The following ATP10A variants were observed in gnomAD, a reference collection of about 807,000 sequenced individuals.
The protein encoded by ATP10A is phospholipid-transporting ATPase VA.
Under a neutral mutation model 147.8 loss-of-function variants are expected in ATP10A, and 111 were observed. The observed-to-expected ratio is 0.75, with a 90% confidence interval of 0.64 to 0.88. The LOEUF (loss-of-function observed/expected upper bound fraction) is 0.88, where lower values mean the gene tolerates loss of function less well. ATP10A is among the 40% of genes least tolerant of loss of function. ATP10A has a pLI of 0.00. For synonymous variants in ATP10A, 875 were observed against 841.6 expected (o/e 1.04, Z -0.69); for missense variants, 1,927 against 1,959.0 (o/e 0.98, Z 0.31).
At position 25,806,576 on chromosome 15, in the gene ATP10A, T is replaced by G. The variant is rs181398698; in HGVS notation, c.450-25353A>C. Among the ~76,000 whole-genome samples the G allele has an allele frequency of 5.9e-5, 9 of 152,302 alleles. No individual in the cohort carries two copies. In the East Asian group the frequency reaches 1.7e-3, roughly 29 times the overall value. On this transcript the variant is annotated intron_variant, in intron 1 of 20. Coordinates refer to ENST00000555815, the MANE Select transcript of ATP10A (RefSeq NM_024490.4). Reference sequence around the variant, plus strand: ...ATCCGCCCGCCTCAGCCTCCCAAAGTGCTGGGATTACAGGTGTGAGCCACC... The same window carrying G: ...ATCCGCCCGCCTCAGCCTCCCAAAGGGCTGGGATTACAGGTGTGAGCCACC...
At chr15:25,844,876 A>C (rs899953600) in intron 1 of ATP10A, among the ~76,000 whole-genome samples, 3 of 152,160 alleles carry the variant, frequency 2.0e-5, no homozygotes, top group Non-Finnish European at 4.4e-5. Context: ...GCTTGTCTTA[A>C]ATGACAGGTT....
intron 2 of ATP10A, among the ~76,000 whole-genome samples, chr15:25,758,797 TGCTCCACCCTAACTCATTCC>T (rs1888581054): frequency 7.6e-6 from 1 of 131,390 alleles, no homozygotes; most frequent in African/African-American, 3.2e-5. Context: ...TCCGACCACC[TGCTCCACCCTAACTCATTCC>T]GACCACCTGC....
At chr15:25,737,019 G>A (rs1332297972) in intron 2 of ATP10A, among the ~76,000 whole-genome samples, 4 of 152,176 alleles carry the variant, frequency 2.6e-5, no homozygotes, top group East Asian at 3.9e-4. Context: ...TCCCTGCATA[G>A]AATACAGCCA....
intron 1 of ATP10A, among the ~76,000 whole-genome samples, chr15:25,815,274 G>A (rs1031099579): frequency 6.6e-6 from 1 of 152,192 alleles, no homozygotes; most frequent in South Asian, 2.1e-4. Context: ...TGCTCAAAAT[G>A]TTTCACGTGA....
chr15:25,719,858 C>T (rs1187687672), intron 7 of ATP10A, among the ~76,000 whole-genome samples: 1 of 152,196 alleles, frequency 6.6e-6, no homozygotes, highest in East Asian at 1.9e-4. Context: ...GTGAGCAGGG[C>T]TTGGGGCTCA....
chr15:25,800,923 G>A (rs1458728998), intron 1 of ATP10A, among the ~76,000 whole-genome samples: 1 of 152,126 alleles, frequency 6.6e-6, no homozygotes, highest in Non-Finnish European at 1.5e-5. Context: ...ACATCTTCCT[G>A]GTGTTTGATG....
In ATP10A at chr15:25,853,438, C is replaced by T. The variant is rs1893375219; in HGVS notation, c.449+9210G>A. ...AAGCCCTGTCTTTAAAAGGTTCTTC[C>T]AAACATGCTTCTCAGTGAAGGCCTG... On this transcript the variant is annotated intron_variant, in intron 1 of 20. Transcript: ENST00000555815. Among the ~76,000 whole-genome samples, 4 of 152,170 alleles carry T rather than the reference C, an allele frequency of 2.6e-5. No individual in the cohort carries two copies. The South Asian group carries it at 8.3e-4, about 32-fold the overall frequency.
chr15:25,777,096 C>CATGTGTGTGT (rs1555468162), intron 2 of ATP10A, among the ~76,000 whole-genome samples: 8,433 of 149,774 alleles, frequency 0.056, 480 homozygotes, highest in Admixed American at 0.15. Context: ...TGCATACGTG[C>CATGTGTGTGT]GTGTGTGTGT....
At chr15:25,745,579 A>C (rs1364204139) in intron 2 of ATP10A, among the ~76,000 whole-genome samples, 1 of 152,096 alleles carries the variant, frequency 6.6e-6, no homozygotes, top group Non-Finnish European at 1.5e-5. Context: ...AGAGAGAGAG[A>C]AGGAAATTGG....
chr15:25,827,238 AG>A (rs1342545340), intron 1 of ATP10A, among the ~76,000 whole-genome samples: 1 of 152,238 alleles, frequency 6.6e-6, no homozygotes, highest in Non-Finnish European at 1.5e-5. Flanking sequence ...AGTCACCACT[AG>A]CAGACCCCTC....
intron 4 of ATP10A, 117 bp from the exon 5 acceptor site, chr15:25,726,199 T>G: frequency 8.1e-7 from 1 of 1,232,246 alleles, no homozygotes; most frequent in African/African-American, 1.5e-5. Context: ...GTGAGAAGCT[T>G]GGTCAAAAAA....
Position 25,679,937 on chromosome 15 carries a change from T to G in ATP10A, c.3904A>C (p.Thr1302Pro). 1.2e-6 allele frequency: 2 copies of G among 1,605,994 alleles called. No homozygotes were observed. The highest frequency in any genetic ancestry group is 8.5e-7 in the Non-Finnish European group (1 of 1,174,536). Residue 1302 changes from threonine (T) to proline (P), a missense_variant, in exon 21 of 21, where the codon ACA becomes CCA. By Grantham distance (38) the Thr-to-Pro change is conservative. Transcript: ENST00000555815. ...AACTGACGTGCCAGCTGAAGTTGTG[T>G]GGGGAAAACCCTCCCCTGGAGGGAT... ...FRSLQGRVFPTQLQLARQLTR... is the reference protein window; with the variant it reads ...FRSLQGRVFPPQLQLARQLTR...
chr15:25,798,081 G>C (rs752491893), intron 1 of ATP10A, among the ~76,000 whole-genome samples: 1 of 152,150 alleles, frequency 6.6e-6, no homozygotes, highest in Non-Finnish European at 1.5e-5. Context: ...AACTGGAAGA[G>C]GGAGGGAGGC....
At chr15:25,807,731 G>T (rs958227615) in intron 1 of ATP10A, among the ~76,000 whole-genome samples, 5 of 152,074 alleles carry the variant, frequency 3.3e-5, no homozygotes, top group African/African-American at 1.2e-4. Flanking sequence ...GAATCTGGGA[G>T]GCAGAGGTTG....
intron 10 of ATP10A, among the ~76,000 whole-genome samples, chr15:25,712,103 T>C (rs1231193512): frequency 6.6e-6 from 1 of 151,950 alleles, no homozygotes; most frequent in Non-Finnish European, 1.5e-5. Flanking sequence ...AGTAGGAGAG[T>C]GAGCAGGTCG....
intron 1 of ATP10A, among the ~76,000 whole-genome samples, chr15:25,817,847 T>C (rs756577140): frequency 9.2e-5 from 14 of 152,204 alleles, no homozygotes; most frequent in Admixed American, 2.0e-4. Context: ...GTTTAAAGAA[T>C]TTGAAAGATT....
intron 14 of ATP10A, among the ~76,000 whole-genome samples, chr15:25,694,096 C>A (rs1244968874): frequency 6.6e-6 from 1 of 151,906 alleles, no homozygotes; most frequent in Non-Finnish European, 1.5e-5. Flanking sequence ...CTGCTGAGCC[C>A]CTGAACCTGT....
chr15:25,857,182 G>C (rs1291237536), intron 1 of ATP10A, among the ~76,000 whole-genome samples: 1 of 152,230 alleles, frequency 6.6e-6, no homozygotes, highest in Non-Finnish European at 1.5e-5. Context: ...ACTGGCTCAG[G>C]CTTGTCATCC....
At chr15:25,706,264 G>A (rs1047013679) in intron 12 of ATP10A, among the ~76,000 whole-genome samples, 2 of 152,148 alleles carry the variant, frequency 1.3e-5, no homozygotes, top group African/African-American at 4.8e-5. Flanking sequence ...AGAGGTGACC[G>A]ATGCACGATC....
Sources: gnomAD v4.1 joint callset for allele counts (sites outside exome capture counted in the v4.1 genomes callset) on GRCh38, gnomAD v4.1.1 for gene constraint, MANE v1.5 for transcripts, NCBI Gene and HGNC (gene_info 2026-07-23, HGNC 2026-07-21) for gene names.